CSNK1A1: variants seen among roughly 807,000 people sequenced by gnomAD.
The protein encoded by CSNK1A1 is casein kinase 1 alpha 1.
CSNK1A1 carries 7 observed loss-of-function variants against 46.1 expected under a neutral mutation model. The ratio of observed to expected loss-of-function variants is 0.15; its 90% CI spans 0.09 to 0.29. The LOEUF is 0.29. Ranked by LOEUF, CSNK1A1 falls within the 10% of genes least tolerant of loss-of-function variation. The probability of loss-of-function intolerance (pLI) is 1.00; values close to 1 mark genes in which losing one functional copy is unlikely to be tolerated. For missense variants in CSNK1A1, 96 were observed against 417.1 expected, an observed-to-expected ratio of 0.23 and a Z score of 6.71; for synonymous variants, 137 against 141.5, an observed-to-expected ratio of 0.97 and a Z score of 0.23.
chr5:149,526,081 A>G (rs1289213510), intron 2 of CSNK1A1, among the ~76,000 whole-genome samples: 1 of 152,174 alleles, frequency 6.6e-6, no homozygotes, highest in Non-Finnish European at 1.5e-5. Flanking sequence ...AAAATATTCA[A>G]AAGGGGAGAA....
At chr5:149,549,345 T>G (rs1377456990) in intron 2 of CSNK1A1, 1 of 633,076 alleles carries the variant, frequency 1.6e-6, no homozygotes, top group Non-Finnish European at 2.9e-6. Context: ...TAATTAACAC[T>G]TTTAAAAGAA....
At position 149,550,119 on chromosome 5, in the gene CSNK1A1, C is replaced by T; in HGVS notation, c.186G>A (p.Lys62=). Residue 62 remains lysine, a synonymous_variant, in exon 2 of 10, where the codon AAG becomes AAA. Transcript: ENST00000377843. The surrounding 1 kb of genome is among the most constrained non-coding windows in gnomAD (Gnocchi z 4.3). ...CCCCACCTTGAAGAATCTTATAGAG[C>T]TTGCTCTCGTACAGCAACTGGGGAT... ...ARHPQLLYES[K]LYKILQGGVG... is the part of the protein sequence containing the mutation. 1 of 1,614,024 alleles carries T rather than the reference C, an allele frequency of 6.2e-7. No homozygotes were observed. The highest frequency in any genetic ancestry group is 1.1e-5 in the South Asian group (1 of 91,082).
At chr5:149,511,297 C>A (rs1477114836) in intron 6 of CSNK1A1, among the ~76,000 whole-genome samples, 3 of 152,146 alleles carry the variant, frequency 2.0e-5, no homozygotes, top group African/African-American at 7.2e-5. Flanking sequence ...CCGGCTTGGG[C>A]AACAGAGCAA....
At chr5:149,498,253 A>G in intron 9 of CSNK1A1, 1 of 985,312 alleles carries the variant, frequency 1.0e-6, no homozygotes, top group Non-Finnish European at 1.2e-6. Flanking sequence ...AATAATAGCG[A>G]ACATACAAGA....
Position 149,525,231 on chromosome 5 carries a change from C to A in CSNK1A1, c.231-60G>T. The A allele has an allele frequency of 6.9e-7, 1 of 1,445,950 alleles. No homozygotes were observed. Among genetic ancestry groups the A allele is most frequent in the Non-Finnish European group, 9.2e-7 (1 of 1,086,170 alleles). The allele number at this position is 1,445,950 out of a possible 1,614,324, so 89.6% of individuals were successfully genotyped here. ...AAAAGCTATTACTTAATATCATCAA[C>A]CCTAAGAATAATATAGTTTTCTTTC... On this transcript the variant is annotated intron_variant, in intron 2 of 9. Coordinates refer to ENST00000377843, the MANE Select transcript of CSNK1A1 (RefSeq NM_001892.6). This position sits in a 1 kb window ranked among gnomAD's most constrained non-coding sequence, Gnocchi z 4.2.
rs543917085 is a variant in CSNK1A1, at chr5:149,517,119, A to G, written c.456+3171T>C. ...AGTAGGGTGTTTATCCAGCCTGCCAAAAACTAAATTTAATATATTTCAATG... is the reference window on the plus strand; with the variant it reads ...AGTAGGGTGTTTATCCAGCCTGCCAGAAACTAAATTTAATATATTTCAATG... On this transcript the variant is annotated intron_variant, in intron 4 of 9. Coordinates refer to ENST00000377843, the MANE Select transcript of CSNK1A1 (RefSeq NM_001892.6). The surrounding 1 kb of genome is among the most constrained non-coding windows in gnomAD (Gnocchi z 4.4). 6.6e-6 allele frequency among the ~76,000 whole-genome samples: 1 copy of G among 152,328 alleles called. No individual in the cohort carries two copies. Among genetic ancestry groups the G allele is most frequent in the African/African-American group, 2.4e-5 (1 of 41,572 alleles).
At chr5:149,507,986 C>T (rs577050559) in intron 7 of CSNK1A1, among the ~76,000 whole-genome samples, 1 of 152,242 alleles carries the variant, frequency 6.6e-6, no homozygotes, top group African/African-American at 2.4e-5. Flanking sequence ...TATCAGTCAC[C>T]AAAAGGATTT....
rs1761278797 is a variant in CSNK1A1 at position 149,512,995 on chromosome 5, A to G, written c.596+75T>C. On this transcript the variant is annotated intron_variant, in intron 5 of 9. Transcript: ENST00000377843. ...AAGAAACATCCTTAGACATTGTAAG[A>G]AACTAAAATATTTCAAAAACCCATT... 3 of 1,546,210 alleles carry G rather than the reference A, an allele frequency of 1.9e-6. No homozygotes were observed. The Admixed American group carries it at 5.6e-5, about 29-fold the overall frequency.
intron 4 of CSNK1A1, 74 bp downstream of exon 4, chr5:149,520,216 T>C (rs3733850): frequency 0.03 from 28,494 of 935,484 alleles, 1,853 homozygotes; most frequent in East Asian, 0.18. Flanking sequence ...TTTTAAAAGA[T>C]TGAAAAGTTT....
intron 6 of CSNK1A1, among the ~76,000 whole-genome samples, chr5:149,510,512 C>T (rs1035143177): frequency 2.7e-5 from 4 of 150,414 alleles, no homozygotes; most frequent in South Asian, 2.1e-4. Context: ...AGGTCTCCCT[C>T]GGTTGCCCAG....
intron 2 of CSNK1A1, among the ~76,000 whole-genome samples, chr5:149,528,829 A>G (rs1761797912): frequency 6.6e-6 from 1 of 152,208 alleles, no homozygotes; most frequent in African/African-American, 2.4e-5. Context: ...TTATTTGAAT[A>G]GCCTTTTCAC....
chr5:149,512,450 A>T (rs1217850199), intron 5 of CSNK1A1, among the ~76,000 whole-genome samples: 1 of 152,146 alleles, frequency 6.6e-6, no homozygotes, highest in Non-Finnish European at 1.5e-5. Context: ...TTTAACCTGG[A>T]GGCATATCAT....
At chr5:149,526,978 TG>T (rs1398476223) in intron 2 of CSNK1A1, among the ~76,000 whole-genome samples, 1 of 152,216 alleles carries the variant, frequency 6.6e-6, no homozygotes, top group Non-Finnish European at 1.5e-5. Flanking sequence ...ACCTGACACA[TG>T]GATAACTGCC....
At chr5:149,518,706 G>C (rs1184516302) in intron 4 of CSNK1A1, among the ~76,000 whole-genome samples, 1 of 151,372 alleles carries the variant, frequency 6.6e-6, no homozygotes, top group Non-Finnish European at 1.5e-5. Flanking sequence ...GAGAAAAGGA[G>C]ACCTAAACCT....
At chr5:149,532,944 A>G (rs1761946214) in intron 2 of CSNK1A1, among the ~76,000 whole-genome samples, 1 of 152,198 alleles carries the variant, frequency 6.6e-6, no homozygotes, top group African/African-American at 2.4e-5. Context: ...ATAAGATCTA[A>G]TATTTGAAAA....
Position 149,495,744 on chromosome 5 carries a change from T to TAAAAAAAAAAAAA in CSNK1A1, c.*1096_*1108dup, listed in dbSNP as rs149346325. ...TACTAGATATTGTGCCTGCAAGTCA[T>TAAAAAAAAAAAAA]AAAAAAAAAAAAAAAAAAAGAAAAA... On this transcript the variant is annotated 3_prime_UTR_variant, in exon 10 of 10. Coordinates refer to ENST00000377843, the MANE Select transcript of CSNK1A1 (RefSeq NM_001892.6). The TAAAAAAAAAAAAA allele has an allele frequency of 8.4e-4, 78 of 92,502 alleles. No homozygotes were observed. Among genetic ancestry groups the TAAAAAAAAAAAAA allele is most frequent in the Middle Eastern group, 5.7e-3 (1 of 176 alleles). 5.7% of individuals were successfully genotyped at this position (92,502 alleles called of 1,614,324 possible).
At chr5:149,511,320 T>C (rs1761215961) in intron 6 of CSNK1A1, among the ~76,000 whole-genome samples, 3 of 150,290 alleles carry the variant, frequency 2.0e-5, no homozygotes, top group Non-Finnish European at 3.0e-5. Context: ...CCATTCCCCA[T>C]GCCCCCACCC....
intron 2 of CSNK1A1, among the ~76,000 whole-genome samples, chr5:149,537,094 G>A (rs951208146): frequency 6.6e-6 from 1 of 152,260 alleles, no homozygotes; most frequent in East Asian, 1.9e-4. Flanking sequence ...GCAGTCGCCT[G>A]GCCAGGTGCA....
intron 3 of CSNK1A1, among the ~76,000 whole-genome samples, chr5:149,523,044 G>C (rs1402055782): frequency 2.2e-5 from 2 of 92,778 alleles, no homozygotes; most frequent in African/African-American, 5.5e-5. Context: ...CATATTAAAG[G>C]CTTTTTTTTT....
Sources: allele counts gnomAD v4.1 joint callset (sites outside exome capture counted in the v4.1 genomes callset), GRCh38; gene constraint gnomAD v4.1.1; non-coding constraint Gnocchi (gnomAD v3.1); transcripts MANE v1.5; gene names NCBI Gene and HGNC (gene_info 2026-07-23, HGNC 2026-07-21).